CCDC171: variants seen among roughly 807,000 people sequenced by gnomAD.
CCDC171 encodes the protein coiled-coil domain-containing protein 171.
A neutral mutation model predicts 168.2 loss-of-function variants in CCDC171; 177 were observed. The observed-to-expected ratio is 1.05, with a 90% CI of 0.93 to 1.19. CCDC171 has a LOEUF of 1.19. Ranked by LOEUF, CCDC171 falls within the 50% of genes most tolerant of loss-of-function variation. The pLI, the probability that CCDC171 is intolerant of heterozygous loss-of-function variation, is 0.00. For synonymous variants in CCDC171, 687 were observed against 540.8 expected, an observed-to-expected ratio of 1.27 and a Z score of -3.75; for missense variants, 1,991 against 1,539.0, an observed-to-expected ratio of 1.29 and a Z score of -4.91.
chr9:15,569,875 A>G (rs1297476885), intron 2 of CCDC171, among the ~76,000 whole-genome samples: 6 of 150,624 alleles, frequency 4.0e-5, no homozygotes, highest in South Asian at 2.1e-4. Flanking sequence ...TTTCATCTCC[A>G]TCTCTTTTTT....
At chr9:15,606,084 C>A (rs1317091942) in intron 6 of CCDC171, among the ~76,000 whole-genome samples, 4 of 152,044 alleles carry the variant, frequency 2.6e-5, no homozygotes, top group Non-Finnish European at 5.9e-5. Context: ...AATAATAGAA[C>A]CATCATAACA....
intron 7 of CCDC171, among the ~76,000 whole-genome samples, chr9:15,647,160 A>G (rs1337696677): frequency 9.9e-5 from 15 of 152,244 alleles, no homozygotes; most frequent in South Asian, 2.1e-4. Flanking sequence ...TGCTGGGTAC[A>G]TAACAAAATG....
In CCDC171 at chr9:15,724,871, G is replaced by A; in HGVS notation, c.1587G>A (p.Val529=). 4 of 1,613,752 alleles carry A rather than the reference G, an allele frequency of 2.5e-6. No individual in the cohort carries two copies. The highest frequency in any genetic ancestry group is 3.4e-6 in the Non-Finnish European group (4 of 1,179,740). Residue 529 remains valine, a synonymous_variant, in exon 14 of 26, where the codon GTG becomes GTA. Transcript: ENST00000380701. ...DREALISTLK[V]ELQNVLHCWE... is the part of the protein sequence containing the mutation. ...AGGCTTTAATAAGCACTTTAAAAGT[G>A]GAACTACAAAATGTGCTGCACTGTT...
intron 25 of CCDC171, among the ~76,000 whole-genome samples, chr9:15,970,179 G>C (rs1831206451): frequency 6.6e-6 from 1 of 152,052 alleles, no homozygotes. Context: ...GGTGTTAGAT[G>C]CAGATATTGA....
chr9:15,947,413 G>C (rs1416841861), intron 25 of CCDC171, among the ~76,000 whole-genome samples: 2 of 151,576 alleles, frequency 1.3e-5, no homozygotes, highest in African/African-American at 4.8e-5. Flanking sequence ...CTATTATTTT[G>C]ACGACTCTAA....
At chr9:15,974,870 C>G (rs963999619), downstream of CCDC171, among the ~76,000 whole-genome samples, 1 of 152,058 alleles carries the variant, frequency 6.6e-6, no homozygotes, top group African/African-American at 2.4e-5. Flanking sequence ...ACTTCATTTA[C>G]CAGTTGTCTG....
rs140199552 is a variant in CCDC171 at position 15,838,945 on chromosome 9, A to G, written c.3268-7757A>G. Among the ~76,000 whole-genome samples the G allele has an allele frequency of 5.3e-5, 8 of 152,302 alleles. No homozygotes were observed. The East Asian group carries it at 1.2e-3, about 22-fold the overall frequency. ...GCTAGGCAGTCAAATTTTAAGATCTACAGGGAAAGTTAAGTGCTGTTGTTG... is the reference window on the plus strand; with the variant it reads ...GCTAGGCAGTCAAATTTTAAGATCTGCAGGGAAAGTTAAGTGCTGTTGTTG... On this transcript the variant is annotated intron_variant, in intron 21 of 25. Coordinates refer to ENST00000380701, the MANE Select transcript of CCDC171 (RefSeq NM_173550.4).
chr9:15,627,008 T>C (rs986698206), intron 7 of CCDC171, among the ~76,000 whole-genome samples: 1 of 152,240 alleles, frequency 6.6e-6, no homozygotes, highest in Non-Finnish European at 1.5e-5. Context: ...GTTATTGGTC[T>C]ATTTTGGGAT....
intron 6 of CCDC171, among the ~76,000 whole-genome samples, chr9:15,600,302 A>C (rs988631050): frequency 6.6e-6 from 1 of 152,188 alleles, no homozygotes; most frequent in Non-Finnish European, 1.5e-5. Flanking sequence ...GGTGATGTAC[A>C]GATGGGGTTT....
intron 3 of CCDC171, among the ~76,000 whole-genome samples, chr9:15,572,169 T>C (rs2040280211): frequency 6.6e-6 from 1 of 152,168 alleles, no homozygotes; most frequent in Non-Finnish European, 1.5e-5. Flanking sequence ...ATTGTCTTAG[T>C]TTATAAGTCA....
the CCDC171 span, among the ~76,000 whole-genome samples, chr9:16,085,474 C>T: frequency 6.6e-6 from 1 of 152,216 alleles, no homozygotes; most frequent in African/African-American, 2.4e-5. Flanking sequence ...AGCTCCAAGA[C>T]AGGCAATTCG....
chr9:15,609,721 T>C (rs1162009503), intron 6 of CCDC171, among the ~76,000 whole-genome samples: 5 of 152,198 alleles, frequency 3.3e-5, no homozygotes, highest in African/African-American at 1.2e-4. Flanking sequence ...ATTGCTTTAT[T>C]CATTATACCT....
At chr9:15,566,626 C>G (rs572390886) in intron 2 of CCDC171, among the ~76,000 whole-genome samples, 8 of 152,232 alleles carry the variant, frequency 5.3e-5, no homozygotes, top group African/African-American at 1.9e-4. Flanking sequence ...AGTGGCTTGA[C>G]TTTTTGTTTT....
chr9:15,847,788 A>G (rs906853740), intron 22 of CCDC171, among the ~76,000 whole-genome samples: 6 of 152,072 alleles, frequency 3.9e-5, no homozygotes, highest in Non-Finnish European at 7.4e-5. Context: ...GGAATCCACA[A>G]TCTTAGGATA....
chr9:15,887,238 CA>C (rs1213492406), intron 24 of CCDC171, among the ~76,000 whole-genome samples: 1 of 152,016 alleles, frequency 6.6e-6, no homozygotes, highest in Middle Eastern at 3.2e-3. Flanking sequence ...TAAATATATA[CA>C]AACTTTATTT....
At chr9:15,563,915 CAAG>C (rs2039516547) in intron 1 of CCDC171, 60 bp from the exon 2 acceptor site, 1 of 566,648 alleles carries the variant, frequency 1.8e-6, no homozygotes, top group Non-Finnish European at 3.1e-6. Context: ...AACCAAAAAA[CAAG>C]AAAAATCTCC....
intron 7 of CCDC171, among the ~76,000 whole-genome samples, chr9:15,640,400 A>C (rs907689309): frequency 6.6e-6 from 1 of 152,092 alleles, no homozygotes; most frequent in African/African-American, 2.4e-5. Context: ...TTAAAAAAAA[A>C]CACCACCTTC....
intron 24 of CCDC171, among the ~76,000 whole-genome samples, chr9:15,914,570 T>G (rs368652908): frequency 6.6e-6 from 1 of 152,304 alleles, no homozygotes; most frequent in Non-Finnish European, 1.5e-5. Context: ...CAGTGGATCT[T>G]AGCTTGCTGG....
At chr9:15,583,785 A>G (rs952285937) in intron 4 of CCDC171, among the ~76,000 whole-genome samples, 3 of 152,204 alleles carry the variant, frequency 2.0e-5, no homozygotes, top group Admixed American at 6.5e-5. Flanking sequence ...AATAAAAAAT[A>G]AAATGTGAAA....
Sources: allele counts gnomAD v4.1 joint callset (sites outside exome capture counted in the v4.1 genomes callset), GRCh38; gene constraint gnomAD v4.1.1; transcripts MANE v1.5; gene names NCBI Gene and HGNC (gene_info 2026-07-23, HGNC 2026-07-21).